RNF130: variants seen among roughly 807,000 people sequenced by gnomAD.
RNF130 encodes the protein ring finger protein 130, also known as E3 ubiquitin-protein ligase RNF130.
RNF130 carries 21 observed loss-of-function variants against 44.6 expected under a neutral mutation model. The observed-to-expected ratio is 0.47, with a 90% CI of 0.33 to 0.68. RNF130 has a LOEUF of 0.68. RNF130 is among the 30% of genes least tolerant of loss of function. The pLI, the probability that RNF130 is intolerant of heterozygous loss-of-function variation, is 0.02. For synonymous variants in RNF130, 214 were observed against 210.4 expected (o/e 1.02, Z -0.15); for missense variants, 479 against 560.6 (o/e 0.85, Z 1.47).
At chr5:180,064,653 G>A (rs937901013) in intron 1 of RNF130, among the ~76,000 whole-genome samples, 2 of 151,960 alleles carry the variant, frequency 1.3e-5, no homozygotes, top group African/African-American at 4.8e-5. Flanking sequence ...TTCTAGCTTC[G>A]CAACTAGAAA....
intron 3 of RNF130, among the ~76,000 whole-genome samples, chr5:179,983,802 G>C (rs992143503): frequency 1.3e-5 from 2 of 152,122 alleles, no homozygotes; most frequent in Non-Finnish European, 2.9e-5. Context: ...CTTAGTTCTT[G>C]ATTAATTTCC....
At chr5:179,980,020 G>GA in intron 4 of RNF130, 109 bp downstream of exon 4, 1 of 886,006 alleles carries the variant, frequency 1.1e-6, no homozygotes, top group African/African-American at 1.7e-5. Context: ...TGTAGTTGGA[G>GA]AAAATCTAAC....
intron 1 of RNF130, among the ~76,000 whole-genome samples, chr5:180,053,954 C>A (rs1384002159): frequency 6.6e-6 from 1 of 151,854 alleles, no homozygotes; most frequent in East Asian, 1.9e-4. Flanking sequence ...TTTAGCCTCC[C>A]GAGTAGCTGG....
At chr5:180,061,232 T>C (rs1764978682) in intron 1 of RNF130, among the ~76,000 whole-genome samples, 1 of 152,064 alleles carries the variant, frequency 6.6e-6, no homozygotes, top group South Asian at 2.1e-4. Flanking sequence ...TGGAAAACAC[T>C]GGAAGTTTAA....
chr5:180,066,719 C>T lies in RNF130; in HGVS notation c.247+4737G>A, dbSNP rs1200834215. 3.9e-5 allele frequency among the ~76,000 whole-genome samples: 6 copies of T among 152,096 alleles called. No homozygotes were observed. In the East Asian group the frequency reaches 5.8e-4, roughly 15 times the overall value. On this transcript the variant is annotated intron_variant, in intron 1 of 8. Transcript: ENST00000521389. ...GTGCTTGGTGGCACATGCCTGTAAT[C>T]CCAGCTACTAGGGAGGCTGAGGCAG... is the stretch of plus-strand genomic sequence containing the variant.
chr5:180,049,355 A>G (rs917268553), intron 1 of RNF130, among the ~76,000 whole-genome samples: 3 of 152,220 alleles, frequency 2.0e-5, no homozygotes, highest in African/African-American at 7.2e-5. Flanking sequence ...GGGCTGAGTG[A>G]CATTTGGATG....
exon 8 of RNF130, chr5:179,912,078 T>TC (rs925254043): frequency 1.3e-5 from 2 of 152,146 alleles, no homozygotes; most frequent in Non-Finnish European, 2.9e-5. Flanking sequence ...ATCCCAAGCC[T>TC]CCCCACCCCC....
chr5:179,996,465 A>G (rs1000521290), intron 3 of RNF130, among the ~76,000 whole-genome samples: 9 of 152,178 alleles, frequency 5.9e-5, no homozygotes, highest in African/African-American at 1.9e-4. Flanking sequence ...TAAGTCATAT[A>G]TGGCCTTTAT....
At chr5:180,037,905 C>A (rs1467266826) in intron 2 of RNF130, among the ~76,000 whole-genome samples, 1 of 152,184 alleles carries the variant, frequency 6.6e-6, no homozygotes, top group African/African-American at 2.4e-5. Flanking sequence ...GTTTGCCTTA[C>A]CTTCCACTTC....
chr5:179,947,446 C>T (rs1476039611), intron 7 of RNF130, among the ~76,000 whole-genome samples: 2 of 152,190 alleles, frequency 1.3e-5, no homozygotes, highest in African/African-American at 4.8e-5. Flanking sequence ...GGTCAGGACA[C>T]CCCACAGCCT....
chr5:180,043,939 TA>T (rs1349833336), intron 1 of RNF130, among the ~76,000 whole-genome samples: 4 of 152,216 alleles, frequency 2.6e-5, no homozygotes, highest in Admixed American at 6.5e-5. Context: ...AACAGGAACT[TA>T]ATACTGTAGT....
rs150096346 is a variant in RNF130 at position 179,987,621 on chromosome 5, G to A, written c.694-7421C>T. ...TCCTAATCAATATGATGTTAGCTGT[G>A]GGTCATGTGTATCTTTCACTATATT... On this transcript the variant is annotated intron_variant, in intron 3 of 8. Coordinates refer to ENST00000521389, the MANE Select transcript of RNF130 (RefSeq NM_018434.6). 4.2e-4 allele frequency among the ~76,000 whole-genome samples: 64 copies of A among 152,288 alleles called. No homozygotes were observed. The East Asian group carries it at 0.011, about 27-fold the overall frequency.
chr5:180,061,068 C>CAAAAAAA (rs57744473), intron 1 of RNF130, among the ~76,000 whole-genome samples: 3 of 53,600 alleles, frequency 5.6e-5, no homozygotes, highest in East Asian at 5.6e-4. Flanking sequence ...GACTCCGTCT[C>CAAAAAAA]AAAAAAAAAA....
intron 1 of RNF130, among the ~76,000 whole-genome samples, chr5:180,066,372 A>T (rs1057003128): frequency 6.6e-6 from 1 of 152,214 alleles, no homozygotes; most frequent in African/African-American, 2.4e-5. Flanking sequence ...GTGAAACTGT[A>T]TATCCAATTA....
Position 180,013,425 on chromosome 5 carries a change from T to G in RNF130, c.443-114A>C, listed in dbSNP as rs1365014663. 23 of 912,850 alleles carry G rather than the reference T, an allele frequency of 2.5e-5. No homozygotes were observed. In the East Asian group the frequency reaches 6.1e-4, roughly 24 times the overall value. 56.5% of individuals were successfully genotyped at this position (912,850 alleles called of 1,614,324 possible). A position where few individuals can be genotyped will look rare whatever the true frequency, so the allele number is the denominator to read the frequency against. Reference sequence around the variant, plus strand: ...ATAATGTCTGGTAATGGAAAGGGTATGCAAACTCCACTTCTCAACTGAAAT... The same window carrying G: ...ATAATGTCTGGTAATGGAAAGGGTAGGCAAACTCCACTTCTCAACTGAAAT... On this transcript the variant is annotated intron_variant, in intron 2 of 8. Transcript: ENST00000521389.
At chr5:179,971,712 G>T (rs1469947198) in intron 5 of RNF130, among the ~76,000 whole-genome samples, 2 of 152,160 alleles carry the variant, frequency 1.3e-5, no homozygotes, top group East Asian at 3.8e-4. Context: ...TTGAATCATG[G>T]TATATACCTT....
intron 1 of RNF130, among the ~76,000 whole-genome samples, chr5:180,069,848 C>A (rs1418263877): frequency 6.6e-6 from 1 of 152,174 alleles, no homozygotes; most frequent in Non-Finnish European, 1.5e-5. Flanking sequence ...GAGTTAGTTT[C>A]CAATACCCTT....
chr5:179,981,616 A>T (rs1762843068), intron 3 of RNF130, among the ~76,000 whole-genome samples: 1 of 152,242 alleles, frequency 6.6e-6, no homozygotes, highest in South Asian at 2.1e-4. Flanking sequence ...TTTCACCCAT[A>T]AAATTTTCAC....
At chr5:179,968,033 C>T (rs563933930) in intron 6 of RNF130, among the ~76,000 whole-genome samples, 5 of 152,216 alleles carry the variant, frequency 3.3e-5, no homozygotes, top group African/African-American at 9.6e-5. Flanking sequence ...CGGTGGCTCA[C>T]GCCTGTAATC....
Sources: allele counts gnomAD v4.1 joint callset (sites outside exome capture counted in the v4.1 genomes callset), GRCh38; gene constraint gnomAD v4.1.1; transcripts MANE v1.5; gene names NCBI Gene and HGNC (gene_info 2026-07-23, HGNC 2026-07-21).